Variants in FUBP3 observed in about 807,000 individuals in gnomAD.
FUBP3 encodes far upstream element binding protein 3.
Under a neutral mutation model 85.6 loss-of-function variants are expected in FUBP3, and 28 were observed. The observed-to-expected ratio is 0.33, with a 90% CI of 0.24 to 0.45. FUBP3 has a LOEUF of 0.45. Ranked by LOEUF, FUBP3 falls within the 20% of genes least tolerant of loss-of-function variation. The pLI is 1.00. For synonymous variants in FUBP3, 271 were observed against 271.4 expected (o/e 1.00, Z 0.01); for missense variants, 583 against 755.1 (o/e 0.77, Z 2.67).
chr9:130,627,260 G>A (rs1830014564), intron 12 of FUBP3, among the ~76,000 whole-genome samples: 1 of 152,234 alleles, frequency 6.6e-6, no homozygotes, highest in Non-Finnish European at 1.5e-5. Context: ...CGGCTTCCGT[G>A]GGGCTCTGAG....
chr9:130,606,395 C>CG (rs1045245634), intron 2 of FUBP3, among the ~76,000 whole-genome samples: 1 of 152,190 alleles, frequency 6.6e-6, no homozygotes, highest in African/African-American at 2.4e-5. Context: ...CCCACCCCCC[C>CG]CCAACAGACT....
intron 12 of FUBP3, among the ~76,000 whole-genome samples, chr9:130,628,118 A>ACG: frequency 6.6e-6 from 1 of 151,850 alleles, no homozygotes; most frequent in African/African-American, 2.4e-5. Context: ...ACACACACAC[A>ACG]CACACACACC....
intron 6 of FUBP3, among the ~76,000 whole-genome samples, chr9:130,615,398 C>G (rs760744817): frequency 5.3e-5 from 8 of 152,198 alleles, no homozygotes; most frequent in Non-Finnish European, 1.0e-4. Context: ...ACCCAAGGAG[C>G]AGAGGCAGTG....
At chr9:130,590,214 T>A (rs184897723) in intron 1 of FUBP3, among the ~76,000 whole-genome samples, 13 of 152,232 alleles carry the variant, frequency 8.5e-5, no homozygotes, top group Non-Finnish European at 1.6e-4. Flanking sequence ...TCTCCCAAGA[T>A]CACCTTGTGC....
chr9:130,616,392 T>G lies in FUBP3; in HGVS notation c.442T>G (p.Cys148Gly), dbSNP rs2119081338. The change falls in exon 7 of 19, where the codon TGT becomes GGT. Residue 148 changes from cysteine to glycine, a missense_variant. Cys to Gly is a radical substitution (Grantham distance 159). Transcript: ENST00000319725. This position sits in a 1 kb window ranked among gnomAD's most constrained non-coding sequence, Gnocchi z 4.7. ...GCTCCTGGGACAGATTGTGGACCGC[T>G]GTCGAAATGGACCTGGCTTTCATAA... Reference protein sequence around the residue: ...KRLLGQIVDRCRNGPGFHNDI... With the variant: ...KRLLGQIVDRGRNGPGFHNDI... 2 of 1,614,180 alleles carry G rather than the reference T, an allele frequency of 1.2e-6. No homozygotes were observed. The highest frequency in any genetic ancestry group is 2.7e-5 in the African/African-American group (2 of 75,056).
chr9:130,630,157 T>G (rs1265438999), intron 12 of FUBP3, among the ~76,000 whole-genome samples: 1 of 152,218 alleles, frequency 6.6e-6, no homozygotes, highest in African/African-American at 2.4e-5. Context: ...GTCATCTGTT[T>G]GGCCTATGGA....
intron 6 of FUBP3, among the ~76,000 whole-genome samples, chr9:130,615,231 A>G (rs1831942037): frequency 6.6e-6 from 1 of 152,216 alleles, no homozygotes; most frequent in Non-Finnish European, 1.5e-5. Context: ...ACACAGGTTA[A>G]TCTAGTACAC....
In FUBP3 at chr9:130,633,142, C is replaced by G. The variant is rs112337376; in HGVS notation, c.1510+864C>G. Among the ~76,000 whole-genome samples, 1,457 of 152,364 alleles carry G rather than the reference C, an allele frequency of 9.6e-3. 31 individuals are homozygous for G. The highest frequency in any genetic ancestry group is 0.033 in the African/African-American group (1,387 of 41,592). On this transcript the variant is annotated intron_variant, in intron 16 of 18. Transcript: ENST00000319725. ...TGGCCTTAGGCACGCCCTGCCTTCTCTGGAGCTCCACTTTGCCACATGTAA... is the reference window on the plus strand; with the variant it reads ...TGGCCTTAGGCACGCCCTGCCTTCTGTGGAGCTCCACTTTGCCACATGTAA...
chr9:130,631,668 C>G (rs995369405), intron 14 of FUBP3, 38 bp downstream of exon 14: 1 of 1,493,620 alleles, frequency 6.7e-7, no homozygotes, highest in Non-Finnish European at 9.3e-7. Context: ...GGAGAATTCA[C>G]TCGCTCCCCA....
intron 2 of FUBP3, among the ~76,000 whole-genome samples, chr9:130,605,172 C>T (rs944858075): frequency 2.0e-5 from 3 of 152,270 alleles, no homozygotes; most frequent in Admixed American, 6.5e-5. Context: ...TCTTTTTCCT[C>T]TTAGGCTCTT....
chr9:130,603,945 A>T (rs1215586942), intron 2 of FUBP3, among the ~76,000 whole-genome samples: 1 of 152,224 alleles, frequency 6.6e-6, no homozygotes, highest in Non-Finnish European at 1.5e-5. Context: ...GCCTGTTCAC[A>T]TAGCAGCTTT....
At chr9:130,587,057 T>G (rs1303562998) in intron 1 of FUBP3, among the ~76,000 whole-genome samples, 4 of 53,648 alleles carry the variant, frequency 7.5e-5, no homozygotes, top group Non-Finnish European at 1.1e-4. Flanking sequence ...CGTTTTTTGT[T>G]TTTTTTTTTT....
At chr9:130,631,404 C>A in intron 13 of FUBP3, 153 bp from the exon 14 acceptor site, 2 of 1,306,662 alleles carry the variant, frequency 1.5e-6, no homozygotes, top group East Asian at 2.6e-5. Context: ...GCGCAGCCTG[C>A]TGTGGGAAGG....
rs1564231608 is a variant in FUBP3, at chr9:130,635,874, T to C, written c.1583-125T>C. The C allele has an allele frequency of 1.0e-6, 1 of 963,886 alleles. No individual in the cohort carries two copies. Among genetic ancestry groups the C allele is most frequent in the Non-Finnish European group, 1.6e-6 (1 of 642,400 alleles). The allele number at this position is 963,886 out of a possible 1,614,324, so 59.7% of individuals were successfully genotyped here. On this transcript the variant is annotated intron_variant, in intron 17 of 18. Coordinates refer to ENST00000319725, the MANE Select transcript of FUBP3 (RefSeq NM_003934.2). The surrounding 1 kb of genome is among the most constrained non-coding windows in gnomAD (Gnocchi z 4.3). ...TCCTGCAACACCAGCCTCACCTCAC[T>C]GCCTCCCAGACCTCCCTGCCTTCCA...
At chr9:130,592,932 G>A (rs554426535) in intron 1 of FUBP3, among the ~76,000 whole-genome samples, 2 of 152,256 alleles carry the variant, frequency 1.3e-5, no homozygotes, top group East Asian at 3.9e-4. Flanking sequence ...TAAAGTCCAA[G>A]CTCCTCACCA....
intron 1 of FUBP3, among the ~76,000 whole-genome samples, chr9:130,594,933 A>T (rs60563879): frequency 0.12 from 18,280 of 149,798 alleles, 1,247 homozygotes; most frequent in Admixed American, 0.2. Flanking sequence ...TGACTTAAAA[A>T]TACTAATTTG....
intron 2 of FUBP3, among the ~76,000 whole-genome samples, chr9:130,600,319 C>T (rs1343525774): frequency 6.6e-6 from 1 of 152,092 alleles, no homozygotes; most frequent in Non-Finnish European, 1.5e-5. Context: ...GGCTTCATTT[C>T]CCATGGACTC....
chr9:130,606,685 T>G (rs1256615843), intron 2 of FUBP3, among the ~76,000 whole-genome samples: 1 of 152,028 alleles, frequency 6.6e-6, no homozygotes, highest in Non-Finnish European at 1.5e-5. Flanking sequence ...CCGGGCGTAG[T>G]GGCGCATGCC....
intron 7 of FUBP3, 52 bp from the exon 8 acceptor site, chr9:130,617,745 A>G (rs372664405): frequency 1.4e-5 from 16 of 1,133,352 alleles, no homozygotes; most frequent in Non-Finnish European, 2.0e-5. Flanking sequence ...GCTGCCCTGC[A>G]TTTCATGCCC....
Sources: gnomAD v4.1 joint callset for allele counts (sites outside exome capture counted in the v4.1 genomes callset) on GRCh38, gnomAD v4.1.1 for gene constraint, Gnocchi (gnomAD v3.1) non-coding constraint, MANE v1.5 for transcripts, NCBI Gene and HGNC (gene_info 2026-07-23, HGNC 2026-07-21) for gene names.